Variants in PIK3C2G observed in about 807,000 individuals in gnomAD.
PIK3C2G encodes the protein phosphatidylinositol 3-kinase C2 domain-containing subunit gamma.
Under a neutral mutation model 181.1 loss-of-function variants are expected in PIK3C2G, and 168 were observed. The ratio of observed to expected loss-of-function variants is 0.93; its 90% CI spans 0.82 to 1.05. The LOEUF (loss-of-function observed/expected upper bound fraction) is 1.05, where lower values mean the gene tolerates loss of function less well. Among genes scored for constraint, PIK3C2G ranks in the 50% least tolerant of loss-of-function variants. The pLI, the probability that PIK3C2G is intolerant of heterozygous loss-of-function variation, is 0.00. For missense variants in PIK3C2G, 1,869 were observed against 1,732.8 expected (o/e 1.08, Z -1.40); for synonymous variants, 573 against 592.2 (o/e 0.97, Z 0.47).
intron 29 of PIK3C2G, among the ~76,000 whole-genome samples, chr12:18,576,374 C>T (rs570140295): frequency 4.4e-4 from 67 of 152,216 alleles, no homozygotes; most frequent in African/African-American, 1.6e-3. Flanking sequence ...ATGGTAATAG[C>T]ACACCAAATC....
intron 16 of PIK3C2G, among the ~76,000 whole-genome samples, chr12:18,404,915 G>A (rs910110170): frequency 2.6e-5 from 4 of 152,064 alleles, no homozygotes; most frequent in African/African-American, 4.8e-5. Context: ...ATAGATAATA[G>A]ATATTGAAAT....
At chr12:18,723,187 C>T in the PIK3C2G span, 1 of 786,862 alleles carries the variant, frequency 1.3e-6, no homozygotes, top group Non-Finnish European at 2.0e-6. Context: ...ATATTTGACC[C>T]ATCCAAAAAC....
At chr12:18,551,839 C>A (rs1208119792) in intron 26 of PIK3C2G, among the ~76,000 whole-genome samples, 2 of 152,122 alleles carry the variant, frequency 1.3e-5, no homozygotes, top group South Asian at 4.1e-4. Flanking sequence ...TTAGCATATT[C>A]TATTGTTCCC....
At chr12:18,449,392 G>A (rs900273208) in intron 18 of PIK3C2G, among the ~76,000 whole-genome samples, 1 of 151,920 alleles carries the variant, frequency 6.6e-6, no homozygotes, top group East Asian at 1.9e-4. Flanking sequence ...CTATCAACAC[G>A]TCATCTAGGT....
the PIK3C2G span, among the ~76,000 whole-genome samples, chr12:18,672,406 T>C: frequency 6.6e-6 from 1 of 152,220 alleles, no homozygotes; most frequent in East Asian, 1.9e-4. Context: ...TAATGTGTGA[T>C]CTCTGATTAT....
intron 30 of PIK3C2G, among the ~76,000 whole-genome samples, chr12:18,608,330 G>A (rs1265853507): frequency 1.3e-5 from 2 of 151,942 alleles, no homozygotes; most frequent in African/African-American, 2.4e-5. Flanking sequence ...ATGATAGACT[G>A]GATTAAGAAA....
intron 8 of PIK3C2G, among the ~76,000 whole-genome samples, chr12:18,329,434 ACTTT>A (rs1591970819): frequency 1.3e-5 from 2 of 152,022 alleles, no homozygotes; most frequent in South Asian, 4.2e-4. Flanking sequence ...GATTTTGTAG[ACTTT>A]CTTTATCATT....
the PIK3C2G span, among the ~76,000 whole-genome samples, chr12:18,665,624 C>G: frequency 6.6e-6 from 1 of 152,058 alleles, no homozygotes; most frequent in South Asian, 2.1e-4. Context: ...GAAACCCTGT[C>G]TGTACTGAAA....
intron 29 of PIK3C2G, among the ~76,000 whole-genome samples, chr12:18,568,562 T>C (rs924816233): frequency 1.3e-5 from 2 of 152,130 alleles, no homozygotes; most frequent in African/African-American, 2.4e-5. Context: ...TCCCAAGACA[T>C]TCTGCTCAGA....
intron 31 of PIK3C2G, among the ~76,000 whole-genome samples, chr12:18,631,501 TG>T (rs1382742369): frequency 2.0e-5 from 3 of 152,238 alleles, no homozygotes; most frequent in South Asian, 2.1e-4. Flanking sequence ...CTTCATACAA[TG>T]GGGAATCCTC....
intron 9 of PIK3C2G, among the ~76,000 whole-genome samples, chr12:18,341,119 ATT>A (rs1939101689): frequency 6.6e-6 from 1 of 152,180 alleles, no homozygotes; most frequent in African/African-American, 2.4e-5. Flanking sequence ...GGAAAATATA[ATT>A]TTAGGATGAA....
chr12:18,282,553 A>G lies in PIK3C2G; in HGVS notation c.472A>G (p.Lys158Glu). The change falls in exon 2 of 33, where the codon AAA (lysine) becomes GAA (glutamate). Residue 158 changes from lysine to glutamate, a missense_variant. Lys to Glu is a moderately conservative substitution (Grantham distance 56). Transcript: ENST00000538779. Reference protein sequence around the residue: ...FTSLDKINLEKELENENHNYH... With the variant: ...FTSLDKINLEEELENENHNYH... The stretch of plus-strand genomic sequence containing the variant: ...AAGTTTGGATAAAATTAATCTAGAG[A>G]AAGAATTAGAAAATGAAAATCATAA... 6.2e-7 allele frequency: 1 copy of G among 1,611,122 alleles called. No individual in the cohort carries two copies. Among genetic ancestry groups the G allele is most frequent in the Non-Finnish European group, 8.5e-7 (1 of 1,177,818 alleles).
chr12:18,707,617 A>C, the PIK3C2G span, among the ~76,000 whole-genome samples: 7 of 152,064 alleles, frequency 4.6e-5, no homozygotes, highest in African/African-American at 1.7e-4. Context: ...GTCCCTTAAA[A>C]CTTAGATTTC....
At chr12:18,627,098 A>T (rs1949135648) in intron 31 of PIK3C2G, among the ~76,000 whole-genome samples, 1 of 151,110 alleles carries the variant, frequency 6.6e-6, no homozygotes, top group African/African-American at 2.4e-5. Flanking sequence ...CTGCTTGGAT[A>T]ATTTCAAATG....
At chr12:18,649,831 C>G (rs1950339596), downstream of PIK3C2G, among the ~76,000 whole-genome samples, 1 of 152,106 alleles carries the variant, frequency 6.6e-6, no homozygotes, top group Non-Finnish European at 1.5e-5. Flanking sequence ...ACCCTACATC[C>G]TCTTGTGCTT....
rs1316220367 is a variant in PIK3C2G, at chr12:18,472,495, C to T, written c.2505-15954C>T. 2.0e-5 allele frequency among the ~76,000 whole-genome samples: 3 copies of T among 152,276 alleles called. No homozygotes were observed. The East Asian group carries it at 5.8e-4, about 29-fold the overall frequency. ...AACTATAATGTAAGCTCTGTGACCA[C>T]ATGAACTCTGGTCATCACGATCACC... On this transcript the variant is annotated intron_variant, in intron 18 of 32. Transcript: ENST00000538779.
intron 5 of PIK3C2G, among the ~76,000 whole-genome samples, chr12:18,309,245 C>G (rs192248087): frequency 2.0e-4 from 30 of 151,930 alleles, no homozygotes; most frequent in Admixed American, 1.8e-3. Context: ...CATGGATTGT[C>G]ATTTAGACAA....
chr12:18,609,213 T>C (rs1273477016), intron 30 of PIK3C2G, among the ~76,000 whole-genome samples: 1 of 152,086 alleles, frequency 6.6e-6, no homozygotes, highest in Non-Finnish European at 1.5e-5. Flanking sequence ...TCTAATACTT[T>C]AAGCTCATTA....
At chr12:18,611,394 A>G (rs931101022) in intron 31 of PIK3C2G, among the ~76,000 whole-genome samples, 1 of 152,004 alleles carries the variant, frequency 6.6e-6, no homozygotes, top group African/African-American at 2.4e-5. Flanking sequence ...CTTCTCCCTA[A>G]TCTCTTAACA....
Sources: allele counts gnomAD v4.1 joint callset (sites outside exome capture counted in the v4.1 genomes callset), GRCh38; gene constraint gnomAD v4.1.1; transcripts MANE v1.5; gene names NCBI Gene and HGNC (gene_info 2026-07-23, HGNC 2026-07-21).